TENM2: variants seen among roughly 807,000 people sequenced by gnomAD.
TENM2 encodes the protein teneurin transmembrane protein 2.
Under a neutral mutation model 245.2 loss-of-function variants are expected in TENM2, and 52 were observed. The ratio of observed to expected loss-of-function variants is 0.21; its 90% CI spans 0.17 to 0.27. The LOEUF is 0.27. TENM2 is among the 10% of genes least tolerant of loss of function. The pLI is 1.00. For missense variants in TENM2, 3,046 were observed against 3,666.8 expected (o/e 0.83, Z 4.37); for synonymous variants, 1,363 against 1,438.9 (o/e 0.95, Z 1.19).
At chr5:168,235,071 T>G (rs528412984) in intron 25 of TENM2, among the ~76,000 whole-genome samples, 6 of 152,344 alleles carry the variant, frequency 3.9e-5, no homozygotes, top group Non-Finnish European at 1.5e-5. Context: ...CACACACACA[T>G]GAACTCAGTT....
intron 2 of TENM2, among the ~76,000 whole-genome samples, chr5:167,751,953 TAC>T (rs111301552): frequency 0.037 from 5,558 of 149,548 alleles, 183 homozygotes; most frequent in African/African-American, 0.088. Flanking sequence ...GTGAAAATAA[TAC>T]ACACACACAC....
intron 2 of TENM2, among the ~76,000 whole-genome samples, chr5:167,387,082 G>A (rs569555597): frequency 4.6e-5 from 7 of 152,210 alleles, no homozygotes; most frequent in Admixed American, 2.0e-4. Flanking sequence ...CATTGAATTT[G>A]TAGATTGCTT....
chr5:167,134,026 C>T, the TENM2 span, among the ~76,000 whole-genome samples: 12 of 152,272 alleles, frequency 7.9e-5, no homozygotes, highest in Admixed American at 2.6e-4. Context: ...CTATGATCTT[C>T]TGCAGAAATG....
intron 1 of TENM2, among the ~76,000 whole-genome samples, chr5:167,312,619 T>G (rs1756104811): frequency 6.6e-6 from 1 of 152,170 alleles, no homozygotes; most frequent in Non-Finnish European, 1.5e-5. Flanking sequence ...AAATGATTTC[T>G]GATTCCTATG....
chr5:166,993,555 TTTGTTC>T, the TENM2 span, among the ~76,000 whole-genome samples: 1 of 152,218 alleles, frequency 6.6e-6, no homozygotes, highest in South Asian at 2.1e-4. Flanking sequence ...AGTTAGATAT[TTTGTTC>T]TTGTAGATGG....
chr5:167,467,721 A>C (rs568325416), intron 2 of TENM2, among the ~76,000 whole-genome samples: 2 of 152,296 alleles, frequency 1.3e-5, no homozygotes, highest in South Asian at 4.1e-4. Flanking sequence ...ATACTGAATA[A>C]GCTAAATTAA....
chr5:168,200,268 A>G, intron 17 of TENM2, 137 bp downstream of exon 19: 1 of 768,810 alleles, frequency 1.3e-6, no homozygotes, highest in Non-Finnish European at 2.1e-6. Flanking sequence ...GACAGACAAG[A>G]TTCCTCTTCC....
At chr5:167,072,742 G>A in the TENM2 span, among the ~76,000 whole-genome samples, 1 of 152,152 alleles carries the variant, frequency 6.6e-6, no homozygotes, top group Non-Finnish European at 1.5e-5. Context: ...ACATGCTATT[G>A]ACAATGGTAT....
intron 4 of TENM2, among the ~76,000 whole-genome samples, chr5:167,981,803 G>A (rs549173431): frequency 2.1e-4 from 32 of 152,028 alleles, no homozygotes; most frequent in Non-Finnish European, 3.5e-4. Flanking sequence ...GCAAAACTTC[G>A]TCTCTACTAA....
intron 2 of TENM2, among the ~76,000 whole-genome samples, chr5:167,576,331 A>ATT (rs35031872): frequency 0.16 from 23,363 of 146,468 alleles, 1,981 homozygotes; most frequent in East Asian, 0.28. Flanking sequence ...AGAAAAGAGC[A>ATT]TTTTTTTTTT....
chr5:167,895,246 C>G (rs1189641899), intron 3 of TENM2, among the ~76,000 whole-genome samples: 1 of 152,098 alleles, frequency 6.6e-6, no homozygotes, highest in East Asian at 1.9e-4. Flanking sequence ...TCCTCTTCCT[C>G]CTCTCCTTCC....
intron 5 of TENM2, among the ~76,000 whole-genome samples, chr5:168,015,091 A>G (rs1434242088): frequency 6.6e-6 from 1 of 152,180 alleles, no homozygotes; most frequent in Non-Finnish European, 1.5e-5. Context: ...CTCTGCTACC[A>G]TCCTCCTTCT....
chr5:167,579,110 A>G (rs1437375410), intron 2 of TENM2, among the ~76,000 whole-genome samples: 1 of 152,144 alleles, frequency 6.6e-6, no homozygotes, highest in African/African-American at 2.4e-5. Flanking sequence ...CACCATTTTA[A>G]TACTATCAGA....
chr5:167,255,588 A>G, the TENM2 span, among the ~76,000 whole-genome samples: 481 of 152,308 alleles, frequency 3.2e-3, 15 homozygotes, highest in East Asian at 0.063. Flanking sequence ...ATTGGCATAA[A>G]TGCCTTCTTG....
intron 2 of TENM2, among the ~76,000 whole-genome samples, chr5:167,792,979 G>T (rs1765086353): frequency 6.6e-6 from 1 of 152,112 alleles, no homozygotes; most frequent in Non-Finnish European, 1.5e-5. Context: ...GCCAGGGAAG[G>T]AAATCTTTTC....
chr5:167,016,306 G>T, the TENM2 span, among the ~76,000 whole-genome samples: 1 of 148,520 alleles, frequency 6.7e-6, no homozygotes, highest in African/African-American at 2.5e-5. Context: ...AAAAGAGGGA[G>T]AGAGGCCTCC....
intron 2 of TENM2, among the ~76,000 whole-genome samples, chr5:167,722,596 A>G (rs1759705896): frequency 1.3e-5 from 2 of 152,178 alleles, no homozygotes; most frequent in Non-Finnish European, 2.9e-5. Context: ...CAACATGGTG[A>G]AACCCCATCT....
the TENM2 span, among the ~76,000 whole-genome samples, chr5:167,199,066 A>G: frequency 6.7e-6 from 1 of 149,058 alleles, no homozygotes; most frequent in Non-Finnish European, 1.5e-5. Context: ...TAACACTTCA[A>G]CTCCAAGGGC....
At chr5:167,274,531 G>C in the TENM2 span, among the ~76,000 whole-genome samples, 2 of 151,706 alleles carry the variant, frequency 1.3e-5, no homozygotes, top group Non-Finnish European at 2.9e-5. Context: ...CAGTAGTACA[G>C]TTACTAGGTT....
Sources: gnomAD v4.1 joint callset for allele counts (sites outside exome capture counted in the v4.1 genomes callset) on GRCh38, gnomAD v4.1.1 for gene constraint, MANE v1.5 for transcripts, NCBI Gene and HGNC (gene_info 2026-07-23, HGNC 2026-07-21) for gene names.